Variants in HCN1 observed in about 807,000 individuals in gnomAD.
The protein encoded by HCN1 is potassium/sodium hyperpolarization-activated cyclic nucleotide-gated channel 1.
A neutral mutation model predicts 78.9 loss-of-function variants in HCN1; 13 were observed. The observed-to-expected ratio is 0.16, with a 90% confidence interval of 0.11 to 0.26. The LOEUF is 0.26. HCN1 is among the 10% of genes least tolerant of loss of function. HCN1 has a pLI of 1.00. For missense variants in HCN1, 810 were observed against 1,154.3 expected, an observed-to-expected ratio of 0.70 and a Z score of 4.32; for synonymous variants, 552 against 455.5, an observed-to-expected ratio of 1.21 and a Z score of -2.70.
chr5:45,636,868 T>A (rs984804455), intron 2 of HCN1, among the ~76,000 whole-genome samples: 1 of 152,088 alleles, frequency 6.6e-6, no homozygotes, highest in Non-Finnish European at 1.5e-5. Context: ...CATAATAGTA[T>A]TTATAATTCT....
chr5:45,324,049 GATTTATAATCCTTTGGGTAT>G (rs1186085894), intron 5 of HCN1, among the ~76,000 whole-genome samples: 44 of 151,636 alleles, frequency 2.9e-4, no homozygotes, highest in African/African-American at 1.1e-3. Flanking sequence ...ATAGCTGCAT[GATTTATAATCCTTTGGGTAT>G]ATACCCAGTA....
At chr5:45,554,363 G>A (rs1388065793) in intron 2 of HCN1, among the ~76,000 whole-genome samples, 3 of 151,712 alleles carry the variant, frequency 2.0e-5, no homozygotes, top group Admixed American at 6.6e-5. Flanking sequence ...TCATGACCCT[G>A]ATAAAATGTA....
chr5:45,430,278 C>T lies in HCN1; in HGVS notation c.1011+31568G>A, dbSNP rs1381241949. On this transcript the variant is annotated intron_variant, in intron 3 of 7. Coordinates refer to ENST00000303230, the MANE Select transcript of HCN1 (RefSeq NM_021072.4). ...AAAAGTGGTAAGACCATGTTATAGTCGATGATTCTTAACTTTTATTTTATG... is the reference window on the plus strand; with the variant it reads ...AAAAGTGGTAAGACCATGTTATAGTTGATGATTCTTAACTTTTATTTTATG... Among the ~76,000 whole-genome samples the T allele has an allele frequency of 2.0e-5, 3 of 151,884 alleles. No homozygotes were observed. In the East Asian group the frequency reaches 5.8e-4, roughly 29 times the overall value.
intron 6 of HCN1, among the ~76,000 whole-genome samples, chr5:45,286,736 T>G (rs1745276387): frequency 6.6e-6 from 1 of 151,964 alleles, no homozygotes; most frequent in Non-Finnish European, 1.5e-5. Flanking sequence ...AACATTAAGA[T>G]GTTGTTGTTG....
At chr5:45,336,567 G>C (rs1340065973) in intron 5 of HCN1, among the ~76,000 whole-genome samples, 2 of 152,060 alleles carry the variant, frequency 1.3e-5, no homozygotes, top group East Asian at 3.9e-4. Context: ...TTTAGGTTTG[G>C]ACAGGGGAAC....
intron 2 of HCN1, among the ~76,000 whole-genome samples, chr5:45,500,969 C>T (rs540808781): frequency 1.3e-5 from 2 of 152,208 alleles, no homozygotes; most frequent in South Asian, 4.1e-4. Flanking sequence ...AAACTTTTAT[C>T]CTATTTATCT....
intron 3 of HCN1, among the ~76,000 whole-genome samples, chr5:45,459,172 G>C (rs767039253): frequency 1.3e-5 from 2 of 151,976 alleles, no homozygotes; most frequent in African/African-American, 4.8e-5. Flanking sequence ...GGGAGGCCAA[G>C]GTGGGAGGAT....
intron 6 of HCN1, among the ~76,000 whole-genome samples, chr5:45,295,053 G>A (rs949853299): frequency 1.3e-5 from 2 of 151,932 alleles, no homozygotes; most frequent in Admixed American, 6.6e-5. Flanking sequence ...CACTCCTTTT[G>A]CTACAATCAA....
chr5:45,500,206 TTC>T (rs1232633858), intron 2 of HCN1, among the ~76,000 whole-genome samples: 5 of 152,268 alleles, frequency 3.3e-5, no homozygotes, highest in Admixed American at 3.3e-4. Context: ...AAAATTAATA[TTC>T]TAGCTAAGAC....
At chr5:45,656,767 T>A (rs575741558) in intron 1 of HCN1, among the ~76,000 whole-genome samples, 14 of 152,202 alleles carry the variant, frequency 9.2e-5, no homozygotes, top group Non-Finnish European at 2.1e-4. Context: ...TAAGTTCTGT[T>A]TATAAATTTC....
intron 3 of HCN1, among the ~76,000 whole-genome samples, chr5:45,454,166 T>C (rs1272234665): frequency 6.6e-6 from 1 of 152,186 alleles, no homozygotes; most frequent in Non-Finnish European, 1.5e-5. Flanking sequence ...ATACACATTT[T>C]ATCTGAAAAC....
intron 2 of HCN1, among the ~76,000 whole-genome samples, chr5:45,484,218 G>C (rs1232079790): frequency 6.6e-6 from 1 of 152,024 alleles, no homozygotes. Context: ...AGATCACAAG[G>C]TCAGGAGATT....
At chr5:45,409,169 C>A (rs1315977343) in intron 3 of HCN1, among the ~76,000 whole-genome samples, 1 of 152,004 alleles carries the variant, frequency 6.6e-6, no homozygotes, top group Non-Finnish European at 1.5e-5. Context: ...GCTATATTAA[C>A]AAGCTCTATA....
chr5:45,646,699 A>G (rs926790714), intron 1 of HCN1, among the ~76,000 whole-genome samples: 1 of 152,170 alleles, frequency 6.6e-6, no homozygotes, highest in Non-Finnish European at 1.5e-5. Context: ...TTCACTTGAC[A>G]TAACTATAGT....
At chr5:45,305,871 G>T (rs1186821661) in intron 5 of HCN1, among the ~76,000 whole-genome samples, 1 of 148,888 alleles carries the variant, frequency 6.7e-6, no homozygotes, top group Non-Finnish European at 1.5e-5. Flanking sequence ...AGGAGGGAGG[G>T]AGGAAGGAAG....
chr5:45,494,935 C>T (rs2111711628), intron 2 of HCN1, among the ~76,000 whole-genome samples: 1 of 148,674 alleles, frequency 6.7e-6, no homozygotes, highest in East Asian at 2.0e-4. Flanking sequence ...TTTCTGAGGG[C>T]TCTGTTCTGT....
At position 45,273,641 on chromosome 5, in the gene HCN1, A is replaced by G. The variant is rs371942791; in HGVS notation, c.1619-6388T>C. Among the ~76,000 whole-genome samples, 37 of 152,266 alleles carry G rather than the reference A, an allele frequency of 2.4e-4. No homozygotes were observed. In the South Asian group the frequency reaches 7.2e-3, roughly 30 times the overall value. ...TGGGCAAAACTGTACTTAGCTTCTC[A>G]TAGTAACCTAAACAAAAGCTGCTTC... On this transcript the variant is annotated intron_variant, in intron 6 of 7. Transcript: ENST00000303230.
At chr5:45,558,380 T>A (rs1743519462) in intron 2 of HCN1, 1 of 152,016 alleles carries the variant, frequency 6.6e-6, no homozygotes, top group African/African-American at 2.4e-5. Flanking sequence ...TTCCATAACA[T>A]AAAAGTGTAA....
At chr5:45,331,286 G>T (rs1017879010) in intron 5 of HCN1, among the ~76,000 whole-genome samples, 1 of 151,106 alleles carries the variant, frequency 6.6e-6, no homozygotes, top group Non-Finnish European at 1.5e-5. Flanking sequence ...GGGTTCTTAA[G>T]TGTTTTACTT....
Sources: allele counts gnomAD v4.1 joint callset (sites outside exome capture counted in the v4.1 genomes callset), GRCh38; gene constraint gnomAD v4.1.1; transcripts MANE v1.5; gene names NCBI Gene and HGNC (gene_info 2026-07-23, HGNC 2026-07-21).